The following ZNF841 variants were observed in gnomAD, a reference collection of about 807,000 sequenced individuals.
ZNF841 encodes the protein TCONS_00006091.
Under a neutral mutation model 13.0 loss-of-function variants are expected in ZNF841, and 11 were observed. The observed-to-expected ratio is 0.85, with a 90% CI of 0.53 to 1.40. The LOEUF (loss-of-function observed/expected upper bound fraction) is 1.40. Among genes scored for constraint, ZNF841 ranks in the 40% most tolerant of loss-of-function variants. The pLI is 0.00. For synonymous variants in ZNF841, 369 were observed against 381.6 expected (o/e 0.97, Z 0.38); for missense variants, 1,068 against 1,139.5 (o/e 0.94, Z 0.90).
downstream of ZNF841, chr19:52,063,827 C>G (rs2087445945): frequency 6.6e-6 from 1 of 152,190 alleles, no homozygotes; most frequent in Admixed American, 6.5e-5. Context: ...AAGCCTCTAG[C>G]ACATACATTT....
At chr19:52,072,614 G>A (rs936184691) in intron 6 of ZNF841, among the ~76,000 whole-genome samples, 1 of 152,260 alleles carries the variant, frequency 6.6e-6, no homozygotes, top group East Asian at 1.9e-4. Context: ...GGCTGAGGCA[G>A]GTGGATCACC....
chr19:52,062,014 C>A (rs1041998743), downstream of ZNF841, among the ~76,000 whole-genome samples: 9 of 152,260 alleles, frequency 5.9e-5, no homozygotes, highest in African/African-American at 2.2e-4. Context: ...CTCCCTCCAG[C>A]CTTGCTACCC....
At chr19:52,059,370 A>AATATATAT in the ZNF841 span, among the ~76,000 whole-genome samples, 30 of 69,626 alleles carry the variant, frequency 4.3e-4, no homozygotes, top group African/African-American at 2.5e-3. Flanking sequence ...AAAAAAAAAA[A>AATATATAT]ATATATATAT....
chr19:52,091,036 C>G (rs760950124), intron 2 of ZNF841, among the ~76,000 whole-genome samples: 5 of 152,182 alleles, frequency 3.3e-5, no homozygotes, highest in Non-Finnish European at 7.3e-5. Flanking sequence ...ATGAAGGGCT[C>G]TAAAAGCTCA....
intron 3 of ZNF841, among the ~76,000 whole-genome samples, chr19:52,088,115 C>A (rs114572660): frequency 0.012 from 1,758 of 151,414 alleles, 35 homozygotes; most frequent in African/African-American, 0.041. Flanking sequence ...CGGTAAGTTG[C>A]ATGATTCCTG....
chr19:52,081,771 T>C (rs7247938), intron 4 of ZNF841, among the ~76,000 whole-genome samples: 308 of 152,226 alleles, frequency 2.0e-3, no homozygotes, highest in African/African-American at 7.0e-3. Context: ...GGAGGTTCAT[T>C]TGAACCCGGG....
At chr19:52,080,844 G>A (rs1476584106) in intron 4 of ZNF841, among the ~76,000 whole-genome samples, 1 of 152,210 alleles carries the variant, frequency 6.6e-6, no homozygotes, top group East Asian at 1.9e-4. Flanking sequence ...ATCTAGCTGA[G>A]TTGACTCCAG....
intron 5 of ZNF841, 33 bp from the exon 6 acceptor site, chr19:52,076,205 G>C: frequency 6.5e-7 from 1 of 1,545,254 alleles, no homozygotes; most frequent in African/African-American, 1.4e-5. Flanking sequence ...GATGTCCCAC[G>C]GTTTTTCCAG....
chr19:52,088,158 A>G (rs1007509615), intron 3 of ZNF841, among the ~76,000 whole-genome samples: 2 of 152,080 alleles, frequency 1.3e-5, no homozygotes, highest in African/African-American at 4.8e-5. Context: ...AGTCACCATG[A>G]AAAGTGCTTA....
At chr19:52,059,334 A>T in the ZNF841 span, among the ~76,000 whole-genome samples, 1 of 134,034 alleles carries the variant, frequency 7.5e-6, no homozygotes, top group Non-Finnish European at 1.5e-5. Context: ...TGGGCGACAG[A>T]GCGAGACTCT....
chr19:52,074,939 T>A (rs2087850938), intron 6 of ZNF841, among the ~76,000 whole-genome samples: 1 of 152,234 alleles, frequency 6.6e-6, no homozygotes, highest in Non-Finnish European at 1.5e-5. Context: ...AACCAGGCTC[T>A]TGTGATGGTC....
intron 4 of ZNF841, among the ~76,000 whole-genome samples, chr19:52,077,964 A>C (rs2087960288): frequency 6.6e-6 from 1 of 152,152 alleles, no homozygotes; most frequent in Non-Finnish European, 1.5e-5. Context: ...AGAAAACTTG[A>C]AGCAAGTTCA....
chr19:52,070,812 G>A (rs555618029), intron 6 of ZNF841, among the ~76,000 whole-genome samples: 39 of 152,356 alleles, frequency 2.6e-4, no homozygotes, highest in Admixed American at 7.8e-4. Context: ...AAGTGAATGA[G>A]TAGGGGTCAC....
rs1195138376 is a variant in ZNF841 at position 52,090,650 on chromosome 19, GGAAGGAAAGAAAGAAAGAAAGAAA to G, written c.-143-1672_-143-1649del. 1.0e-3 allele frequency among the ~76,000 whole-genome samples: 61 copies of G among 58,970 alleles called. 6 individuals carry two copies. The East Asian group carries it at 0.016, about 16-fold the overall frequency. 38.7% of individuals were successfully genotyped at this position (58,970 alleles called of 152,430 possible). ...AAGAAAGAAGGAAGGAAGGAAGGAAGGAAGGAAAGAAAGAAAGAAAGAAAGAAAGAAAGAAAGAAAGAAAGAAAG... is the reference window on the plus strand; with the variant it reads ...AAGAAAGAAGGAAGGAAGGAAGGAAGGAAAGAAAGAAAGAAAGAAAGAAAG... On this transcript the variant is annotated intron_variant, in intron 2 of 6. Coordinates refer to ENST00000594440, the MANE Select transcript of ZNF841 (RefSeq NM_001136499.2).
In ZNF841 at chr19:52,076,071, C is replaced by T. The variant is rs1320262121; in HGVS notation, c.244G>A (p.Gly82Arg). 4 of 1,553,122 alleles carry T rather than the reference C, an allele frequency of 2.6e-6. No homozygotes were observed. The highest frequency in any genetic ancestry group is 1.4e-5 in the African/African-American group (1 of 73,218). Residue 82 changes from glycine (G) to arginine (R), a missense_variant, in exon 6 of 7, where the codon GGG becomes AGG. Gly to Arg is a moderately radical substitution (Grantham distance 125, BLOSUM62 -2). Coordinates refer to ENST00000594440, the MANE Select transcript of ZNF841 (RefSeq NM_001136499.2). The stretch of plus-strand genomic sequence containing the variant: ...GTGATCACGCCTTTCATGCATTCCC[C>T]ACAGTTTGGGTTCCTCGCTATTTTC... ...QVKIARNPNC[G>R]ECMKGVITGI...
chr19:52,087,666 G>A (rs746524278), intron 3 of ZNF841, among the ~76,000 whole-genome samples: 2 of 151,888 alleles, frequency 1.3e-5, no homozygotes, highest in African/African-American at 4.8e-5. Context: ...AAATGGGCCA[G>A]GTTTAGGGGA....
rs1209097070 is a variant in ZNF841, at chr19:52,095,585, G to A, written c.-280C>T. The A allele has an allele frequency of 1.3e-5, 2 of 152,412 alleles. No individual in the cohort carries two copies. The highest frequency in any genetic ancestry group is 2.9e-5 in the Non-Finnish European group (2 of 68,208). The allele number at this position is 152,412 out of a possible 1,614,324, so 9.4% of individuals were successfully genotyped here. ...AATTCTCCTACTTACTTGGGACGAA[G>A]GGGCTGTTGCGGGTATTTTAAGGTC... On this transcript the variant is annotated 5_prime_UTR_variant, in exon 1 of 7. Transcript: ENST00000594440.
chr19:52,090,693 A>AAGAAAG (rs1568549745), intron 2 of ZNF841, among the ~76,000 whole-genome samples: 3 of 148,750 alleles, frequency 2.0e-5, no homozygotes, highest in African/African-American at 7.7e-5. Flanking sequence ...GAAAGAAAGA[A>AAGAAAG]AGAAAGAAAG....
chr19:52,084,768 A>T lies in ZNF841; in HGVS notation c.15+19T>A, dbSNP rs766947834. 1.2e-6 allele frequency: 2 copies of T among 1,613,304 alleles called. No individual in the cohort carries two copies. The highest frequency in any genetic ancestry group is 2.2e-5 in the East Asian group (1 of 44,860). On this transcript the variant is annotated intron_variant, in intron 4 of 6. Coordinates refer to ENST00000594440, the MANE Select transcript of ZNF841 (RefSeq NM_001136499.2). ...AAAAAGGGAGGAGACAGAACAATCCACCAAGATTATCACTTTACCTGAGGA... is the reference window on the plus strand; with the variant it reads ...AAAAAGGGAGGAGACAGAACAATCCTCCAAGATTATCACTTTACCTGAGGA...
Sources: gnomAD v4.1 joint callset for allele counts (sites outside exome capture counted in the v4.1 genomes callset) on GRCh38, gnomAD v4.1.1 for gene constraint, MANE v1.5 for transcripts, NCBI Gene and HGNC (gene_info 2026-07-23, HGNC 2026-07-21) for gene names.